Variants in DNAH5 observed in about 807,000 individuals in gnomAD.
DNAH5 encodes the protein dynein axonemal heavy chain 5, also known as axonemal beta dynein heavy chain 5.
A neutral mutation model predicts 518.2 loss-of-function variants in DNAH5; 372 were observed. The ratio of observed to expected loss-of-function variants is 0.72; its 90% CI spans 0.66 to 0.78. The LOEUF (loss-of-function observed/expected upper bound fraction) is 0.78. Among genes scored for constraint, DNAH5 ranks in the 30% least tolerant of loss-of-function variants. DNAH5 has a pLI of 0.00. For missense variants in DNAH5, 5,523 were observed against 5,687.0 expected, an observed-to-expected ratio of 0.97 and a Z score of 0.93; for synonymous variants, 2,039 against 2,025.9, an observed-to-expected ratio of 1.01 and a Z score of -0.17.
At chr5:13,813,448 C>G (rs1291168488) in intron 43 of DNAH5, among the ~76,000 whole-genome samples, 1 of 116,660 alleles carries the variant, frequency 8.6e-6, no homozygotes, top group Non-Finnish European at 1.7e-5. Context: ...AATGTTGTGG[C>G]ACTTAAAAGA....
At chr5:13,764,978 A>T (rs1752325149) in intron 59 of DNAH5, among the ~76,000 whole-genome samples, 2 of 152,224 alleles carry the variant, frequency 1.3e-5, no homozygotes, top group South Asian at 4.1e-4. Flanking sequence ...TCTCAAACAA[A>T]GATTATAGTC....
chr5:13,774,528 G>A (rs1309181860), intron 55 of DNAH5, among the ~76,000 whole-genome samples: 2 of 152,138 alleles, frequency 1.3e-5, no homozygotes, highest in East Asian at 1.9e-4. Context: ...GCTTTCCTGG[G>A]GAGAGACTCT....
At chr5:13,834,632 TG>T (rs1231731810) in intron 35 of DNAH5, among the ~76,000 whole-genome samples, 1 of 152,082 alleles carries the variant, frequency 6.6e-6, no homozygotes, top group Non-Finnish European at 1.5e-5. Context: ...CCCTCTGAGG[TG>T]ACTCTCTAGC....
chr5:13,704,963 C>T (rs1175372704), intron 76 of DNAH5, among the ~76,000 whole-genome samples: 2 of 151,404 alleles, frequency 1.3e-5, no homozygotes, highest in Non-Finnish European at 2.9e-5. Flanking sequence ...TATTTTACAA[C>T]AAGGTGACTA....
intron 47 of DNAH5, among the ~76,000 whole-genome samples, chr5:13,807,006 C>G (rs1183750159): frequency 6.6e-6 from 1 of 152,110 alleles, no homozygotes; most frequent in Non-Finnish European, 1.5e-5. Flanking sequence ...AAAAGCTAGA[C>G]TGAAAGAGAA....
intron 44 of DNAH5, among the ~76,000 whole-genome samples, chr5:13,811,435 T>C (rs571603569): frequency 1.3e-5 from 2 of 152,358 alleles, no homozygotes; most frequent in African/African-American, 4.8e-5. Flanking sequence ...GTTAGCTGTA[T>C]TTTTTGTTAA....
chr5:13,861,952 C>CAAAAAAAAAAAAA, intron 29 of DNAH5, among the ~76,000 whole-genome samples: 1 of 49,514 alleles, frequency 2.0e-5, no homozygotes, highest in Non-Finnish European at 3.3e-5. Flanking sequence ...GATTCCATCT[C>CAAAAAAAAAAAAA]AAAAAAAAAA....
chr5:13,986,981 G>A (rs538110858), intron 1 of DNAH5, among the ~76,000 whole-genome samples: 25 of 152,164 alleles, frequency 1.6e-4, no homozygotes, highest in Non-Finnish European at 3.2e-4. Flanking sequence ...TAATAGTGCA[G>A]AGGAATTAAT....
chr5:13,765,705 A>C (rs1244272388), intron 59 of DNAH5, among the ~76,000 whole-genome samples: 1 of 152,212 alleles, frequency 6.6e-6, no homozygotes, highest in African/African-American at 2.4e-5. Context: ...ATTCATGTGA[A>C]TATAATATAA....
intron 40 of DNAH5, 144 bp downstream of exon 40, chr5:13,823,119 T>C (rs1400708615): frequency 2.7e-6 from 2 of 746,676 alleles, no homozygotes; most frequent in African/African-American, 3.4e-5. Context: ...TGCATTGGCC[T>C]CCCTTAAGAC....
intron 56 of DNAH5, 88 bp from the exon 57 acceptor site, chr5:13,769,703 G>T: frequency 1.8e-6 from 2 of 1,116,878 alleles, no homozygotes; most frequent in East Asian, 2.4e-5. Context: ...GAGTGGTAAT[G>T]GTTATATCTG....
chr5:13,807,582 A>G lies in DNAH5; in HGVS notation c.7887+9T>C. The G allele has an allele frequency of 1.2e-6, 2 of 1,613,268 alleles. No individual in the cohort carries two copies. The highest frequency in any genetic ancestry group is 1.7e-6 in the Non-Finnish European group (2 of 1,179,490). ...TTGGGCTTACTGAGCCATACCAAAG[A>G]GCCAGTACCTGGAACATCAGTGGGG... On this transcript the variant is annotated intron_variant, in intron 47 of 78. Coordinates refer to ENST00000265104, the MANE Select transcript of DNAH5 (RefSeq NM_001369.3).
intron 53 of DNAH5, 78 bp downstream of exon 53, chr5:13,780,751 T>C: frequency 4.7e-6 from 7 of 1,488,974 alleles, no homozygotes; most frequent in Non-Finnish European, 5.6e-6. Context: ...GTAAGAGAAA[T>C]GCATTTGAAC....
chr5:13,790,983 C>T (rs186524145), intron 50 of DNAH5, among the ~76,000 whole-genome samples: 15 of 152,124 alleles, frequency 9.9e-5, no homozygotes, highest in Admixed American at 8.5e-4. Context: ...GGATTAATAC[C>T]TGGGTGATGA....
In DNAH5 at chr5:13,842,496, A is replaced by C. The variant is rs1765424608; in HGVS notation, c.5272-592T>G. Among the ~76,000 whole-genome samples, 2 of 127,054 alleles carry C rather than the reference A, an allele frequency of 1.6e-5. 1 individual carries two copies. The highest frequency in any genetic ancestry group is 6.0e-4 in the East Asian group (2 of 3,350). 83.4% of individuals were successfully genotyped at this position (127,054 alleles called of 152,430 possible). A position where few individuals can be genotyped will look rare whatever the true frequency, so the allele number is the denominator to read the frequency against. The stretch of plus-strand genomic sequence containing the variant: ...GAAAGAAAGAAAGAGAAAGAAAAGA[A>C]AGAAAGAAAGAAAAAGAAAGAAATC... On this transcript the variant is annotated intron_variant, in intron 32 of 78. Coordinates refer to ENST00000265104, the MANE Select transcript of DNAH5 (RefSeq NM_001369.3).
chr5:13,733,032 A>G (rs1042122450), intron 68 of DNAH5, among the ~76,000 whole-genome samples: 2 of 152,248 alleles, frequency 1.3e-5, no homozygotes, highest in Non-Finnish European at 2.9e-5. Flanking sequence ...TCCAACCCAT[A>G]CAAGCATCAG....
Position 13,792,127 on chromosome 5 carries a change from C to A in DNAH5, c.8315G>T (p.Arg2772Leu). Residue 2772 changes from arginine to leucine, a missense_variant, in exon 50 of 79, where the codon CGA (arginine) becomes CTA (leucine). This residue lies in a region of DNAH5 where 5,121 missense variants were observed against 5,223.3 expected (regional missense o/e 0.98). Transcript: ENST00000265104. ...TTTAATCTTGGTCATCTGCCATAGT[C>A]GGCGTGTCAGAGGCACCAATTTTGT... ...SVTKLVPLTR[R>L]LWQMTKIKML... 6.2e-7 allele frequency: 1 copy of A among 1,613,938 alleles called. No homozygotes were observed. The highest frequency in any genetic ancestry group is 1.3e-5 in the African/African-American group (1 of 74,988).
chr5:14,002,045 C>T (rs2582693), intron 1 of DNAH5, among the ~76,000 whole-genome samples: 108,533 of 151,644 alleles, frequency 0.72, 39,082 homozygotes, highest in South Asian at 0.8. Context: ...ACTACAGGCG[C>T]GCACCACCAT....
At chr5:13,996,880 C>T (rs1267764799) in intron 1 of DNAH5, among the ~76,000 whole-genome samples, 1 of 152,248 alleles carries the variant, frequency 6.6e-6, no homozygotes, top group Non-Finnish European at 1.5e-5. Context: ...CTAGTATAGG[C>T]TGCCTGTGGT....
Sources: gnomAD v4.1 joint callset for allele counts (sites outside exome capture counted in the v4.1 genomes callset) on GRCh38, gnomAD v4.1.1 for gene constraint, gnomAD v4.1.1 regional missense constraint, MANE v1.5 for transcripts, NCBI Gene and HGNC (gene_info 2026-07-23, HGNC 2026-07-21) for gene names.